CFAP54: variants seen among roughly 807,000 people sequenced by gnomAD.
The protein encoded by CFAP54 is cilia and flagella associated protein 54.
Under a neutral mutation model 370.4 loss-of-function variants are expected in CFAP54, and 290 were observed. The ratio of observed to expected loss-of-function variants is 0.78; its 90% CI spans 0.71 to 0.86. The LOEUF (loss-of-function observed/expected upper bound fraction) is 0.86. Among genes scored for constraint, CFAP54 ranks in the 40% least tolerant of loss-of-function variants. CFAP54 has a pLI of 0.00. For missense variants in CFAP54, 3,399 were observed against 3,528.7 expected (o/e 0.96, Z 0.93); for synonymous variants, 1,206 against 1,236.5 (o/e 0.98, Z 0.52).
chr12:96,586,386 A>C (rs1407488922), intron 22 of CFAP54, among the ~76,000 whole-genome samples: 1 of 152,188 alleles, frequency 6.6e-6, no homozygotes, highest in African/African-American at 2.4e-5. Flanking sequence ...GTATTTCAGA[A>C]GATAATGAAT....
At chr12:96,861,472 G>A (rs1959878750) in intron 67 of CFAP54, among the ~76,000 whole-genome samples, 1 of 152,134 alleles carries the variant, frequency 6.6e-6, no homozygotes, top group South Asian at 2.1e-4. Flanking sequence ...CCGACATGTG[G>A]TAATTTCAAC....
At position 96,768,023 on chromosome 12, in the gene CFAP54, T is replaced by C. The variant is rs189225777; in HGVS notation, c.8281+2805T>C. 4.6e-3 allele frequency among the ~76,000 whole-genome samples: 703 copies of C among 152,178 alleles called. 1 individual carries two copies. Among genetic ancestry groups the C allele is most frequent in the Non-Finnish European group, 8.4e-3 (573 of 67,998 alleles). Reference sequence around the variant, plus strand: ...AGAACAGGCATATACCCTGAAATGATAGACATTCATTTTTTGGCCAGGTGC... The same window carrying C: ...AGAACAGGCATATACCCTGAAATGACAGACATTCATTTTTTGGCCAGGTGC... On this transcript the variant is annotated intron_variant, in intron 60 of 67. Transcript: ENST00000524981.
At chr12:96,692,770 G>T (rs1403552325) in intron 44 of CFAP54, among the ~76,000 whole-genome samples, 1 of 152,214 alleles carries the variant, frequency 6.6e-6, no homozygotes, top group Non-Finnish European at 1.5e-5. Context: ...TCCAGAAGAA[G>T]CCCAGTGGCT....
rs1265053832 is a variant in CFAP54 at position 96,837,714 on chromosome 12, T to C, written c.9171+8626T>C. On this transcript the variant is annotated intron_variant, in intron 66 of 67. Coordinates refer to ENST00000524981, the MANE Select transcript of CFAP54 (RefSeq NM_001306084.2). Reference sequence around the variant, plus strand: ...GTTCTAGTCCTGCCATTAACAGTGATTTCGAGGCCATTGATTTCAGTTATT... The same window carrying C: ...GTTCTAGTCCTGCCATTAACAGTGACTTCGAGGCCATTGATTTCAGTTATT... 3.9e-5 allele frequency among the ~76,000 whole-genome samples: 6 copies of C among 152,226 alleles called. No homozygotes were observed. In the East Asian group the frequency reaches 1.2e-3, roughly 29 times the overall value.
At chr12:96,496,585 A>G (rs1954957072) in intron 1 of CFAP54, among the ~76,000 whole-genome samples, 1 of 151,730 alleles carries the variant, frequency 6.6e-6, no homozygotes, top group Admixed American at 6.6e-5. Flanking sequence ...CATTAATTCC[A>G]TCAGGCCAGA....
At chr12:96,576,978 C>T (rs1242637177) in intron 20 of CFAP54, among the ~76,000 whole-genome samples, 2 of 152,160 alleles carry the variant, frequency 1.3e-5, no homozygotes, top group African/African-American at 2.4e-5. Flanking sequence ...TATTGCATTG[C>T]TATACCCAAA....
chr12:96,670,065 C>CT (rs1473702520), intron 39 of CFAP54, among the ~76,000 whole-genome samples: 1 of 152,148 alleles, frequency 6.6e-6, no homozygotes, highest in African/African-American at 2.4e-5. Flanking sequence ...TCCTGGGCTG[C>CT]TCATCATGGT....
At chr12:96,739,149 A>G (rs892248565) in intron 50 of CFAP54, among the ~76,000 whole-genome samples, 2 of 152,094 alleles carry the variant, frequency 1.3e-5, no homozygotes, top group Non-Finnish European at 2.9e-5. Flanking sequence ...AATTGGATGG[A>G]TATATTTCGG....
At chr12:96,752,446 C>T (rs1459110039) in intron 55 of CFAP54, among the ~76,000 whole-genome samples, 1 of 152,146 alleles carries the variant, frequency 6.6e-6, no homozygotes. Context: ...AATGACTGGC[C>T]AGGATCCAGC....
At chr12:96,853,259 A>G (rs1451096664) in intron 66 of CFAP54, among the ~76,000 whole-genome samples, 1 of 152,170 alleles carries the variant, frequency 6.6e-6, no homozygotes, top group Non-Finnish European at 1.5e-5. Context: ...TGAACAAACT[A>G]TTGCTTCATT....
chr12:96,787,417 T>C (rs1958640119), intron 62 of CFAP54, among the ~76,000 whole-genome samples: 2 of 152,200 alleles, frequency 1.3e-5, no homozygotes, highest in South Asian at 4.1e-4. Flanking sequence ...GGATACATTT[T>C]CCCAAGATAT....
At chr12:96,622,110 G>A (rs1956502903) in intron 27 of CFAP54, among the ~76,000 whole-genome samples, 2 of 151,654 alleles carry the variant, frequency 1.3e-5, no homozygotes, top group Non-Finnish European at 2.9e-5. Flanking sequence ...ACATGTCAGA[G>A]TTTTTTTACT....
chr12:96,538,699 T>C, intron 13 of CFAP54, 181 bp downstream of exon 13: 1 of 606,014 alleles, frequency 1.7e-6, no homozygotes, highest in Admixed American at 3.1e-5. Flanking sequence ...TTAATGTGTG[T>C]TCCCTGCACT....
At chr12:96,616,111 G>C (rs1005085185) in intron 26 of CFAP54, among the ~76,000 whole-genome samples, 18 of 152,138 alleles carry the variant, frequency 1.2e-4, no homozygotes, top group Non-Finnish European at 1.6e-4. Flanking sequence ...TTGGAACCAA[G>C]CCAAATGTCC....
chr12:96,591,657 A>C (rs1189514759), intron 23 of CFAP54, among the ~76,000 whole-genome samples: 1 of 152,106 alleles, frequency 6.6e-6, no homozygotes, highest in East Asian at 1.9e-4. Flanking sequence ...TGGGAGGCCG[A>C]GACGGGCGGA....
intron 67 of CFAP54, among the ~76,000 whole-genome samples, chr12:96,862,024 T>A (rs565507819): frequency 1.3e-4 from 19 of 151,492 alleles, no homozygotes; most frequent in African/African-American, 3.4e-4. Context: ...AAGGCCTTTT[T>A]AAAAAAAAAT....
intron 55 of CFAP54, among the ~76,000 whole-genome samples, chr12:96,751,233 T>C (rs576160019): frequency 1.6e-4 from 25 of 152,316 alleles, no homozygotes; most frequent in South Asian, 8.3e-4. Context: ...CAAACATTCA[T>C]TGAGGGCCAC....
At chr12:96,826,655 ATAT>A (rs1208075730) in intron 65 of CFAP54, among the ~76,000 whole-genome samples, 2 of 107,958 alleles carry the variant, frequency 1.9e-5, no homozygotes, top group Non-Finnish European at 3.3e-5. Flanking sequence ...TATATTAAAT[ATAT>A]TATATATAAA....
At chr12:96,491,910 C>T (rs1205385451) in intron 1 of CFAP54, among the ~76,000 whole-genome samples, 2 of 152,124 alleles carry the variant, frequency 1.3e-5, no homozygotes, top group Admixed American at 1.3e-4. Flanking sequence ...CAGGTGCCTG[C>T]TACCACGCCC....
Sources: allele counts gnomAD v4.1 joint callset (sites outside exome capture counted in the v4.1 genomes callset), GRCh38; gene constraint gnomAD v4.1.1; transcripts MANE v1.5; gene names NCBI Gene and HGNC (gene_info 2026-07-23, HGNC 2026-07-21).